The following FAM149A variants were observed in gnomAD, a reference collection of about 807,000 sequenced individuals.
The protein encoded by FAM149A is protein FAM149A.
A neutral mutation model predicts 78.2 loss-of-function variants in FAM149A; 71 were observed. The ratio of observed to expected loss-of-function variants is 0.91; its 90% CI spans 0.75 to 1.11. FAM149A has a LOEUF of 1.11. FAM149A is among the 50% of genes least tolerant of loss of function. The probability of loss-of-function intolerance (pLI) is 0.00; values close to 1 mark genes in which losing one functional copy is unlikely to be tolerated. For missense variants in FAM149A, 1,036 were observed against 971.0 expected (o/e 1.07, Z -0.89); for synonymous variants, 446 against 410.5 (o/e 1.09, Z -1.04).
chr4:186,166,913 T>C, intron 11 of FAM149A, 55 bp from the exon 12 acceptor site: 1 of 1,556,158 alleles, frequency 6.4e-7, no homozygotes, highest in Non-Finnish European at 8.8e-7. Flanking sequence ...GATTTTCTTT[T>C]GTGTTTTTAA....
At chr4:186,138,695 T>C (rs1389726371) in intron 1 of FAM149A, among the ~76,000 whole-genome samples, 2 of 152,174 alleles carry the variant, frequency 1.3e-5, no homozygotes, top group African/African-American at 4.8e-5. Context: ...CTTGTGTTTT[T>C]ATCATGGTGA....
At chr4:186,110,222 A>G in intron 1 of FAM149A, 1 of 985,350 alleles carries the variant, frequency 1.0e-6, no homozygotes, top group Non-Finnish European at 1.2e-6. Context: ...TAATCTTACA[A>G]CAACCCAGGG....
rs1288172543 is a variant in FAM149A, at chr4:186,144,774, G to C, written c.567-4399G>C. The C allele has an allele frequency of 1.0e-5, 10 of 969,010 alleles. No homozygotes were observed. In the South Asian group the frequency reaches 4.6e-4, roughly 44 times the overall value. The allele number at this position is 969,010 out of a possible 1,614,324, so 60.0% of individuals were successfully genotyped here. A position where few individuals can be genotyped will look rare whatever the true frequency, so the allele number is the denominator to read the frequency against. On this transcript the variant is annotated intron_variant, in intron 1 of 13. Transcript: ENST00000389354. This position sits in a 1 kb window ranked among gnomAD's most constrained non-coding sequence, Gnocchi z 4.2. ...GGAGCGGGGATGGGCGGGCGCAGCC[G>C]GGATTAGCTGGCGGGCGAGGGCGCA...
At position 186,130,656 on chromosome 4, in the gene FAM149A, G is replaced by A. The variant is rs554394126; in HGVS notation, c.567-18517G>A. On this transcript the variant is annotated intron_variant, in intron 1 of 13. Transcript: ENST00000389354. ...CTACAGGCATGAGCCACCGTGCCTG[G>A]CCAATTATGTATAATTTTTTGGAGT... Among the ~76,000 whole-genome samples, 5 of 151,962 alleles carry A rather than the reference G, an allele frequency of 3.3e-5. No individual in the cohort carries two copies. In the East Asian group the frequency reaches 7.8e-4, roughly 24 times the overall value.
At chr4:186,109,425 C>T in intron 1 of FAM149A, 13 of 948,672 alleles carry the variant, frequency 1.4e-5, no homozygotes, top group Non-Finnish European at 1.5e-5. Flanking sequence ...ACTAGAGGGA[C>T]TTATCTCGAT....
intron 1 of FAM149A, among the ~76,000 whole-genome samples, chr4:186,148,833 C>T (rs186949439): frequency 4.7e-4 from 71 of 152,076 alleles, no homozygotes; most frequent in African/African-American, 1.6e-3. Context: ...ACCTGAAATC[C>T]CTGAAATACT....
At chr4:186,158,124 C>G (rs775844016) in intron 8 of FAM149A, 1 of 1,304,642 alleles carries the variant, frequency 7.7e-7, no homozygotes, top group Non-Finnish European at 1.0e-6. Flanking sequence ...AGGTCCCTGT[C>G]TTGCTCCAGG....
chr4:186,168,241 G>A (rs546796204), intron 13 of FAM149A, among the ~76,000 whole-genome samples: 162 of 152,338 alleles, frequency 1.1e-3, no homozygotes, highest in African/African-American at 3.7e-3. Flanking sequence ...CTGGGCTGCT[G>A]GGCCTTTTTG....
chr4:186,171,106 A>G (rs1431787422), intron 13 of FAM149A: 1 of 152,314 alleles, frequency 6.6e-6, no homozygotes, highest in Non-Finnish European at 1.5e-5. Context: ...ATAGCACCTG[A>G]TCTCAGGCCG....
At chr4:186,160,478 A>T (rs1734492950) in intron 8 of FAM149A, among the ~76,000 whole-genome samples, 1 of 148,904 alleles carries the variant, frequency 6.7e-6, no homozygotes. Flanking sequence ...TACACCACAC[A>T]CACACCACAC....
At chr4:186,171,764 T>C in intron 13 of FAM149A, 150 bp from the exon 14 acceptor site, 1 of 565,650 alleles carries the variant, frequency 1.8e-6, no homozygotes, top group Non-Finnish European at 2.7e-6. Flanking sequence ...TAGGCAGTTT[T>C]TGCATATGAC....
chr4:186,158,664 A>G, intron 8 of FAM149A: 1 of 1,086,634 alleles, frequency 9.2e-7, no homozygotes, highest in Non-Finnish European at 1.1e-6. Flanking sequence ...GTGGAGACCC[A>G]GCCCCTGCAC....
At chr4:186,161,325 G>A (rs963492028) in intron 8 of FAM149A, among the ~76,000 whole-genome samples, 5 of 152,082 alleles carry the variant, frequency 3.3e-5, no homozygotes, top group African/African-American at 9.7e-5. Flanking sequence ...TTCTAAACCC[G>A]CGATCTTTGT....
At chr4:186,108,556 G>T (rs552532076) in intron 1 of FAM149A, among the ~76,000 whole-genome samples, 23 of 152,050 alleles carry the variant, frequency 1.5e-4, no homozygotes, top group South Asian at 8.3e-4. Context: ...CAAGAATTCC[G>T]TAAGTGAAAG....
At chr4:186,168,542 G>A (rs923819223) in intron 13 of FAM149A, among the ~76,000 whole-genome samples, 3 of 152,172 alleles carry the variant, frequency 2.0e-5, no homozygotes, top group African/African-American at 7.2e-5. Context: ...TTTTAGTGGA[G>A]ATGAGGTTTC....
chr4:186,145,807 T>C (rs1732989191), intron 1 of FAM149A, among the ~76,000 whole-genome samples: 1 of 152,184 alleles, frequency 6.6e-6, no homozygotes, highest in Non-Finnish European at 1.5e-5. Flanking sequence ...CATGCCACCA[T>C]ATTCAAGTTT....
At position 186,124,037 on chromosome 4, in the gene FAM149A, G is replaced by C. The variant is rs569417202; in HGVS notation, c.566+18395G>C. On this transcript the variant is annotated intron_variant, in intron 1 of 13. Transcript: ENST00000389354. ...CACTCACACAGACAATGAGAAACTTGGTAGTGGGTGGCCACTTTGTTTCTA... is the reference window on the plus strand; with the variant it reads ...CACTCACACAGACAATGAGAAACTTCGTAGTGGGTGGCCACTTTGTTTCTA... The C allele has an allele frequency of 1.6e-4, 155 of 981,090 alleles. 1 individual carries two copies. The South Asian group carries it at 6.4e-3, about 41-fold the overall frequency. The allele number at this position is 981,090 out of a possible 1,614,324, so 60.8% of individuals were successfully genotyped here.
chr4:186,167,537 G>A, intron 13 of FAM149A: 1 of 478,120 alleles, frequency 2.1e-6, no homozygotes, highest in Non-Finnish European at 3.8e-6. Context: ...AAAAAATGCT[G>A]TCTTAGGAGC....
intron 1 of FAM149A, among the ~76,000 whole-genome samples, chr4:186,147,138 T>C (rs1435959778): frequency 2.0e-5 from 3 of 152,130 alleles, no homozygotes; most frequent in Non-Finnish European, 4.4e-5. Flanking sequence ...GTCCCAGCAG[T>C]TTTGGAGGCC....
Sources: allele counts gnomAD v4.1 joint callset (sites outside exome capture counted in the v4.1 genomes callset), GRCh38; gene constraint gnomAD v4.1.1; non-coding constraint Gnocchi (gnomAD v3.1); transcripts MANE v1.5; gene names NCBI Gene and HGNC (gene_info 2026-07-23, HGNC 2026-07-21).